Variants in ASGR1 observed in about 807,000 individuals in gnomAD.
ASGR1 encodes C-type lectin domain family 4 member H1.
A neutral mutation model predicts 33.1 loss-of-function variants in ASGR1; 35 were observed. The observed-to-expected ratio is 1.06, with a 90% CI of 0.81 to 1.40. The LOEUF (loss-of-function observed/expected upper bound fraction) is 1.40. Among genes scored for constraint, ASGR1 ranks in the 40% most tolerant of loss-of-function variants. The pLI, the probability that ASGR1 is intolerant of heterozygous loss-of-function variation, is 0.00. For missense variants in ASGR1, 396 were observed against 373.7 expected (o/e 1.06, Z -0.49); for synonymous variants, 142 against 152.5 (o/e 0.93, Z 0.51).
rs754470734 is a variant in ASGR1, at chr17:7,173,586, C to A, written c.*73G>T. ...TCCTAGATGAAAATTCCCGAGAAAG[C>A]AGAAGAGGCCCCCAGATGGGCGGAT... is the stretch of plus-strand genomic sequence containing the variant. On this transcript the variant is annotated 3_prime_UTR_variant, in exon 9 of 9. Transcript: ENST00000269299. The surrounding 1 kb of genome is among the most constrained non-coding windows in gnomAD (Gnocchi z 4.7). 3.4e-4 allele frequency: 533 copies of A among 1,587,956 alleles called. No homozygotes were observed. The highest frequency in any genetic ancestry group is 1.2e-4 in the Admixed American group (7 of 58,152).
In ASGR1 at chr17:7,178,566, T is replaced by A. The variant is rs749675436; in HGVS notation, c.-3A>T. On this transcript the variant is annotated 5_prime_UTR_variant, in exon 2 of 9. Transcript: ENST00000269299. ...AGGTCTTGATACTCCTTGGTCATGA[T>A]AGGGCTGGCGCTGGACCTGGGACTG... is the stretch of plus-strand genomic sequence containing the variant. 1 of 1,613,718 alleles carries A rather than the reference T, an allele frequency of 6.2e-7. No homozygotes were observed. The highest frequency in any genetic ancestry group is 8.5e-7 in the Non-Finnish European group (1 of 1,179,888).
At position 7,173,929 on chromosome 17, in the gene ASGR1, C is replaced by T. The variant is rs775593723; in HGVS notation, c.701+32G>A. ...CAGGGCCCCAGGGCGCGAAGGCGGC[C>T]GGACCCAGGCCGAGGGAGGGCGCGC... On this transcript the variant is annotated intron_variant, in intron 8 of 8. Transcript: ENST00000269299. This position sits in a 1 kb window ranked among gnomAD's most constrained non-coding sequence, Gnocchi z 4.7. The T allele has an allele frequency of 3.1e-6, 5 of 1,613,152 alleles. No homozygotes were observed. The highest frequency in any genetic ancestry group is 1.6e-4 in the Middle Eastern group (1 of 6,082).
In ASGR1 at chr17:7,176,305, TCA is replaced by T. The variant is rs1300762245; in HGVS notation, c.355+523_355+524del. Among the ~76,000 whole-genome samples the T allele has an allele frequency of 2.7e-3, 334 of 124,390 alleles. 2 individuals carry two copies. Among genetic ancestry groups the T allele is most frequent in the African/African-American group, 9.9e-3 (307 of 31,020 alleles). The allele number at this position is 124,390 out of a possible 152,430, so 81.6% of individuals were successfully genotyped here. ...CCATCTCATTCTCACACTCACAGACTCACACTCAGACACAAACACCCCTCATT... is the reference window on the plus strand; with the variant it reads ...CCATCTCATTCTCACACTCACAGACTCACTCAGACACAAACACCCCTCATT... On this transcript the variant is annotated intron_variant, in intron 5 of 8. Transcript: ENST00000269299.
intron 4 of ASGR1, 35 bp from the exon 5 acceptor site, chr17:7,176,936 C>T: frequency 4.4e-6 from 7 of 1,608,616 alleles, no homozygotes; most frequent in Admixed American, 1.7e-5. Flanking sequence ...TCCCGACAGC[C>T]CCCCAGCCCC....
intron 5 of ASGR1, among the ~76,000 whole-genome samples, chr17:7,175,726 CAG>C (rs1422069754): frequency 2.0e-5 from 3 of 150,654 alleles, no homozygotes; most frequent in Admixed American, 6.6e-5. Context: ...CATAAACACA[CAG>C]ACTCTCCCAC....
chr17:7,178,738 CTTTTT>C (rs573140945), intron 1 of ASGR1, 150 bp from the exon 2 acceptor site: 39 of 91,048 alleles, frequency 4.3e-4, no homozygotes, highest in Middle Eastern at 4.3e-3. Context: ...TTTTTCTTTT[CTTTTT>C]TTTTTTTTTT....
At chr17:7,175,889 ACT>A (rs201086413) in intron 5 of ASGR1, among the ~76,000 whole-genome samples, 2,535 of 144,208 alleles carry the variant, frequency 0.018, 77 homozygotes, top group African/African-American at 0.062. Context: ...TCTCACAGAC[ACT>A]CCATCTCATT....
In ASGR1 at chr17:7,173,577, C is replaced by T. The variant is rs551230765; in HGVS notation, c.*82G>A. The T allele has an allele frequency of 1.5e-4, 228 of 1,566,450 alleles. No homozygotes were observed. Among genetic ancestry groups the T allele is most frequent in the Non-Finnish European group, 1.8e-4 (205 of 1,152,010 alleles). The stretch of plus-strand genomic sequence containing the variant: ...CCCTTAAAATCCTAGATGAAAATTC[C>T]CGAGAAAGCAGAAGAGGCCCCCAGA... On this transcript the variant is annotated 3_prime_UTR_variant, in exon 9 of 9. Coordinates refer to ENST00000269299, the MANE Select transcript of ASGR1 (RefSeq NM_001671.5). This position sits in a 1 kb window ranked among gnomAD's most constrained non-coding sequence, Gnocchi z 4.7.
chr17:7,176,187 TCA>T (rs200274457), intron 5 of ASGR1, among the ~76,000 whole-genome samples: 2,779 of 125,134 alleles, frequency 0.022, 105 homozygotes, highest in African/African-American at 0.078. Context: ...ATTCTCACAC[TCA>T]CACACACCCC....
chr17:7,178,436 G>C, intron 2 of ASGR1, 58 bp downstream of exon 2: 2 of 1,509,164 alleles, frequency 1.3e-6, no homozygotes, highest in South Asian at 1.1e-5. Context: ...AGCTGTGGCT[G>C]GGGGGTGGAG....
chr17:7,174,631 T>A (rs2069173544), intron 5 of ASGR1, among the ~76,000 whole-genome samples, 171 bp from the exon 6 acceptor site: 1 of 144,628 alleles, frequency 6.9e-6, no homozygotes, highest in Non-Finnish European at 1.5e-5. Flanking sequence ...ACACACACAC[T>A]CCTACACACA....
At chr17:7,177,521 G>A (rs905375584) in intron 2 of ASGR1, 195 bp from the exon 3 acceptor site, 7 of 572,680 alleles carry the variant, frequency 1.2e-5, no homozygotes, top group Admixed American at 9.4e-5. Flanking sequence ...GCTGGGGAAG[G>A]GGGCTAAGCG....
intron 5 of ASGR1, among the ~76,000 whole-genome samples, chr17:7,176,251 C>CAA (rs201914964): frequency 1.4e-5 from 2 of 141,072 alleles, no homozygotes; most frequent in African/African-American, 5.7e-5. Context: ...ACACACACCC[C>CAA]ATCTCATTCT....
chr17:7,178,738 C>CTTTTTTTTT (rs573140945), intron 1 of ASGR1, 150 bp from the exon 2 acceptor site: 1 of 84,786 alleles, frequency 1.2e-5, no homozygotes, highest in Non-Finnish European at 2.6e-5. Context: ...TTTTTCTTTT[C>CTTTTTTTTT]TTTTTTTTTT....
In ASGR1 at chr17:7,174,438, G is replaced by C; in HGVS notation, c.378C>G (p.His126Gln). 1.2e-6 allele frequency: 2 copies of C among 1,613,514 alleles called. No homozygotes were observed. Among genetic ancestry groups the C allele is most frequent in the Non-Finnish European group, 8.5e-7 (1 of 1,179,766 alleles). The change falls in exon 6 of 9, where the codon CAC (histidine) becomes CAG (glutamine). Residue 126 changes from histidine (H) to glutamine (Q), a missense_variant. His to Gln is a conservative substitution (Grantham distance 24). Transcript: ENST00000269299. ...GCAGGTCAGACACGAACTGCTTCACGTGGAGCAGCAGGCTGGAGTGATCTG... is the reference window on the plus strand; with the variant it reads ...GCAGGTCAGACACGAACTGCTTCACCTGGAGCAGCAGGCTGGAGTGATCTG... ...LSEDHSSLLL[H>Q]VKQFVSDLRS...
chr17:7,178,476 G>A lies in ASGR1; in HGVS notation c.70+18C>T. ...GCCAAATTCTCGCCTTGCAGAGGCA[G>A]GGCAAGGTGGCCCTCACCTTTTCTG... On this transcript the variant is annotated intron_variant, in intron 2 of 8. Coordinates refer to ENST00000269299, the MANE Select transcript of ASGR1 (RefSeq NM_001671.5). 2 of 1,611,900 alleles carry A rather than the reference G, an allele frequency of 1.2e-6. No individual in the cohort carries two copies. Among genetic ancestry groups the A allele is most frequent in the Non-Finnish European group, 1.7e-6 (2 of 1,177,934 alleles).
intron 5 of ASGR1, 40 bp from the exon 6 acceptor site, chr17:7,174,500 A>C (rs151095348): frequency 6.9e-5 from 110 of 1,590,948 alleles, no homozygotes; most frequent in Middle Eastern, 1.7e-4. Flanking sequence ...GGAGATGCGG[A>C]AACCACGGGG....
intron 3 of ASGR1, 31 bp from the exon 4 acceptor site, chr17:7,177,107 A>G: frequency 1.2e-6 from 2 of 1,613,416 alleles, no homozygotes; most frequent in Non-Finnish European, 1.7e-6. Flanking sequence ...AGAGAAGAAA[A>G]CGGGATCGCT....
Position 7,173,888 on chromosome 17 carries a change from T to C in ASGR1, c.702-55A>G. On this transcript the variant is annotated intron_variant, in intron 8 of 8. Transcript: ENST00000269299. The surrounding 1 kb of genome is among the most constrained non-coding windows in gnomAD (Gnocchi z 4.7). ...GAGGTCGGATCCGCAGGCGGGTCGC[T>C]CCAGACTCCTCAGCCCAGGGCCCCA... is the stretch of plus-strand genomic sequence containing the variant. 1 of 1,609,074 alleles carries C rather than the reference T, an allele frequency of 6.2e-7. No individual in the cohort carries two copies. Among genetic ancestry groups the C allele is most frequent in the Non-Finnish European group, 8.5e-7 (1 of 1,178,208 alleles).
Sources: allele counts gnomAD v4.1 joint callset (sites outside exome capture counted in the v4.1 genomes callset), GRCh38; gene constraint gnomAD v4.1.1; non-coding constraint Gnocchi (gnomAD v3.1); transcripts MANE v1.5; gene names NCBI Gene and HGNC (gene_info 2026-07-23, HGNC 2026-07-21).